ZNF385D: variants seen among roughly 807,000 people sequenced by gnomAD.
ZNF385D encodes zinc finger protein 659.
In ZNF385D, 15 loss-of-function variants were observed where a neutral mutation model predicts 35.8. The observed-to-expected ratio is 0.42, with a 90% CI of 0.28 to 0.64. The LOEUF (loss-of-function observed/expected upper bound fraction) is 0.64, where lower values mean the gene tolerates loss of function less well. Among genes scored for constraint, ZNF385D ranks in the 30% least tolerant of loss-of-function variants. The pLI, the probability that ZNF385D is intolerant of heterozygous loss-of-function variation, is 0.23. For synonymous variants in ZNF385D, 212 were observed against 186.8 expected, an observed-to-expected ratio of 1.13 and a Z score of -1.10; for missense variants, 474 against 494.6, an observed-to-expected ratio of 0.96 and a Z score of 0.39.
At chr3:21,950,343 T>G (rs1702004784) in intron 3 of ZNF385D, among the ~76,000 whole-genome samples, 1 of 151,924 alleles carries the variant, frequency 6.6e-6, no homozygotes, top group Non-Finnish European at 1.5e-5. Context: ...GTTGGTCACA[T>G]AAATGTCTTC....
rs751384224 is a variant in ZNF385D at position 21,421,407 on chromosome 3, G to A, written c.995C>T (p.Ala332Val). ...TAGAGGATTTGGTAGAATTCGTGGA[G>A]CCAATGGCTTTGAAGGTTCTTTTGA... ...VFSKEPSKPL[A>V]PRILPNPLAA... The change falls in exon 8 of 8, where the codon GCT becomes GTT. Residue 332 changes from alanine to valine, a missense_variant. Transcript: ENST00000281523. 6.2e-7 allele frequency: 1 copy of A among 1,613,758 alleles called. No individual in the cohort carries two copies. The highest frequency in any genetic ancestry group is 1.7e-5 in the Admixed American group (1 of 60,004).
intron 2 of ZNF385D, among the ~76,000 whole-genome samples, chr3:22,299,851 A>G (rs753174035): frequency 6.6e-6 from 1 of 151,980 alleles, no homozygotes; most frequent in Non-Finnish European, 1.5e-5. Context: ...GTGTCCGTAG[A>G]TTAGAAAAAA....
At chr3:22,000,762 A>AG (rs1380188023) in intron 3 of ZNF385D, among the ~76,000 whole-genome samples, 3 of 83,532 alleles carry the variant, frequency 3.6e-5, no homozygotes, top group African/African-American at 1.5e-4. Context: ...GTTCTGAAAG[A>AG]GGAAAAAAAA....
intron 4 of ZNF385D, among the ~76,000 whole-genome samples, chr3:21,502,282 T>C (rs889378495): frequency 2.0e-5 from 3 of 152,180 alleles, no homozygotes; most frequent in African/African-American, 7.2e-5. Context: ...TATTACCTAT[T>C]CTTTCGAGGG....
At chr3:21,423,932 A>C in intron 7 of ZNF385D, 31 bp downstream of exon 7, 1 of 1,587,460 alleles carries the variant, frequency 6.3e-7, no homozygotes, top group Non-Finnish European at 8.6e-7. Flanking sequence ...ATTTGGGAAT[A>C]GAGGCTGGAC....
At chr3:21,850,565 G>A (rs1353873257) in intron 3 of ZNF385D, among the ~76,000 whole-genome samples, 1 of 152,106 alleles carries the variant, frequency 6.6e-6, no homozygotes, top group East Asian at 1.9e-4. Flanking sequence ...TTGGCTGAAT[G>A]CTAAATTAAA....
chr3:21,474,483 G>A (rs1250063034), intron 4 of ZNF385D, among the ~76,000 whole-genome samples: 1 of 152,034 alleles, frequency 6.6e-6, no homozygotes, highest in African/African-American at 2.4e-5. Flanking sequence ...GGTTCTGGGA[G>A]GCCAAATCAC....
At chr3:21,704,553 G>T (rs2067826181) in intron 1 of ZNF385D, among the ~76,000 whole-genome samples, 2 of 151,982 alleles carry the variant, frequency 1.3e-5, no homozygotes, top group Non-Finnish European at 2.9e-5. Context: ...CTGTCACCCA[G>T]AATGGAGTGC....
intron 3 of ZNF385D, among the ~76,000 whole-genome samples, chr3:21,786,467 G>A (rs952514656): frequency 6.6e-6 from 1 of 152,014 alleles, no homozygotes; most frequent in African/African-American, 2.4e-5. Flanking sequence ...GGGATATAGT[G>A]CCTCCAGAAA....
intron 3 of ZNF385D, among the ~76,000 whole-genome samples, chr3:21,858,115 T>C (rs1321828111): frequency 7.0e-6 from 1 of 142,712 alleles, no homozygotes; most frequent in Non-Finnish European, 1.5e-5. Flanking sequence ...TGGGCCAAGA[T>C]GGTGCTACTG....
At chr3:22,319,577 A>G (rs1212199886) in intron 2 of ZNF385D, among the ~76,000 whole-genome samples, 1 of 152,170 alleles carries the variant, frequency 6.6e-6, no homozygotes, top group African/African-American at 2.4e-5. Context: ...AAATGCATAC[A>G]GAGCTAGCAA....
intron 3 of ZNF385D, among the ~76,000 whole-genome samples, chr3:21,833,823 C>T (rs1480176227): frequency 6.6e-6 from 1 of 152,070 alleles, no homozygotes; most frequent in African/African-American, 2.4e-5. Context: ...ATCTATCTTC[C>T]ATGTAATTAT....
chr3:22,174,452 A>G (rs1187645079), intron 2 of ZNF385D, among the ~76,000 whole-genome samples: 2 of 152,204 alleles, frequency 1.3e-5, no homozygotes, highest in Non-Finnish European at 1.5e-5. Flanking sequence ...AAGTAGTTTT[A>G]CAAATGACTT....
intron 2 of ZNF385D, among the ~76,000 whole-genome samples, chr3:22,338,458 A>C (rs1262021548): frequency 6.6e-6 from 1 of 151,088 alleles, no homozygotes; most frequent in East Asian, 1.9e-4. Context: ...TTTTTGGAAA[A>C]AGAGGTGAGT....
At chr3:21,818,427 G>A (rs1229256923) in intron 3 of ZNF385D, among the ~76,000 whole-genome samples, 7 of 152,148 alleles carry the variant, frequency 4.6e-5, no homozygotes, top group Non-Finnish European at 1.0e-4. Context: ...ATATTAATGA[G>A]ACAGTGTGGG....
At chr3:21,729,039 T>C (rs1028912882) in intron 1 of ZNF385D, among the ~76,000 whole-genome samples, 1 of 152,202 alleles carries the variant, frequency 6.6e-6, no homozygotes, top group African/African-American at 2.4e-5. Context: ...ATGTCTTCAC[T>C]GTCTATGCTC....
intron 3 of ZNF385D, among the ~76,000 whole-genome samples, chr3:21,801,108 T>A (rs1411050730): frequency 2.0e-5 from 3 of 152,196 alleles, no homozygotes; most frequent in African/African-American, 4.8e-5. Flanking sequence ...ATTCTATTAA[T>A]ATTCTTTATT....
At chr3:22,009,830 T>C (rs1254151729) in intron 3 of ZNF385D, among the ~76,000 whole-genome samples, 2 of 150,770 alleles carry the variant, frequency 1.3e-5, no homozygotes, top group Non-Finnish European at 3.0e-5. Context: ...GCATTTGTAA[T>C]GTTTTATTTC....
intron 3 of ZNF385D, among the ~76,000 whole-genome samples, chr3:21,927,052 G>A (rs1000677228): frequency 6.6e-6 from 1 of 152,086 alleles, no homozygotes; most frequent in African/African-American, 2.4e-5. Flanking sequence ...TGTCATCTTT[G>A]CAGTAATGAG....
Sources: allele counts gnomAD v4.1 joint callset (sites outside exome capture counted in the v4.1 genomes callset), GRCh38; gene constraint gnomAD v4.1.1; transcripts MANE v1.5; gene names NCBI Gene and HGNC (gene_info 2026-07-23, HGNC 2026-07-21).